Variants in PTPRD observed in about 807,000 individuals in gnomAD.
PTPRD encodes the protein protein tyrosine phosphatase receptor type D, also known as receptor-type tyrosine-protein phosphatase delta.
In PTPRD, 34 loss-of-function variants were observed where a neutral mutation model predicts 214.5. That is an observed-to-expected ratio of 0.16 (90% CI 0.12 to 0.21). The LOEUF (loss-of-function observed/expected upper bound fraction) is 0.21. Among genes scored for constraint, PTPRD ranks in the 10% least tolerant of loss-of-function variants. PTPRD has a pLI of 1.00. For synonymous variants in PTPRD, 1,128 were observed against 845.7 expected (o/e 1.33, Z -5.79); for missense variants, 2,545 against 2,398.7 (o/e 1.06, Z -1.27).
At chr9:9,334,716 G>A (rs766711837) in intron 9 of PTPRD, among the ~76,000 whole-genome samples, 11 of 151,866 alleles carry the variant, frequency 7.2e-5, no homozygotes, top group Admixed American at 1.3e-4. Flanking sequence ...CTGGTACACA[G>A]AAAGCATTTA....
intron 14 of PTPRD, among the ~76,000 whole-genome samples, chr9:8,576,566 A>G (rs2092385393): frequency 1.3e-5 from 2 of 150,932 alleles, no homozygotes; most frequent in South Asian, 2.1e-4. Flanking sequence ...GTGTGCATAT[A>G]TACACCCACA....
intron 14 of PTPRD, among the ~76,000 whole-genome samples, chr9:8,575,313 CA>C (rs1266443942): frequency 6.6e-6 from 1 of 152,096 alleles, no homozygotes; most frequent in Non-Finnish European, 1.5e-5. Context: ...CCAGTACCAA[CA>C]CACTCAAGTA....
At chr9:9,329,237 GCAAAACAAAA>G (rs998824423) in intron 9 of PTPRD, among the ~76,000 whole-genome samples, 2 of 151,674 alleles carry the variant, frequency 1.3e-5, no homozygotes, top group African/African-American at 4.9e-5. Flanking sequence ...GTAAGTTCAT[GCAAAACAAAA>G]CAAAACAAAA....
At chr9:8,365,328 T>C (rs1164398534) in intron 39 of PTPRD, among the ~76,000 whole-genome samples, 2 of 152,140 alleles carry the variant, frequency 1.3e-5, no homozygotes, top group African/African-American at 4.8e-5. Flanking sequence ...TGAGTTAGGA[T>C]GTAAGGAGAG....
At chr9:8,437,933 T>C (rs904144239) in intron 34 of PTPRD, among the ~76,000 whole-genome samples, 1 of 152,226 alleles carries the variant, frequency 6.6e-6, no homozygotes, top group Non-Finnish European at 1.5e-5. Context: ...TTCTTTCCTA[T>C]TAATTTTACA....
chr9:8,867,393 A>C (rs2098217834), intron 11 of PTPRD, among the ~76,000 whole-genome samples: 1 of 152,178 alleles, frequency 6.6e-6, no homozygotes, highest in Non-Finnish European at 1.5e-5. Context: ...GTCTAGAAGC[A>C]GACTGTTCTG....
At chr9:10,094,642 T>G (rs1438444312) in intron 3 of PTPRD, among the ~76,000 whole-genome samples, 1 of 150,012 alleles carries the variant, frequency 6.7e-6, no homozygotes, top group South Asian at 2.1e-4. Flanking sequence ...TATGGAGACA[T>G]AGCATATCTA....
rs981180826 is a variant in PTPRD at position 10,451,247 on chromosome 9, C to T, written c.-599-110230G>A. 4.0e-5 allele frequency among the ~76,000 whole-genome samples: 6 copies of T among 151,726 alleles called. No homozygotes were observed. The South Asian group carries it at 1.0e-3, about 26-fold the overall frequency. ...AAACACTGTTTCAGGTGTGCTGGGG[C>T]CAAGCAGAGAAATAAATTATTGTTA... is the stretch of plus-strand genomic sequence containing the variant. On this transcript the variant is annotated intron_variant, in intron 2 of 45. Coordinates refer to ENST00000381196, the MANE Select transcript of PTPRD (RefSeq NM_002839.4).
chr9:9,681,251 G>C lies in PTPRD; in HGVS notation c.-287+53282C>G, dbSNP rs559620988. 2.3e-4 allele frequency among the ~76,000 whole-genome samples: 35 copies of C among 151,720 alleles called. 1 individual carries two copies. In the Middle Eastern group the frequency reaches 0.014, roughly 59 times the overall value. ...TGTTCTTCCTGAAGTGTAAGTGTAGGGTGCGGAGCCCTGTTTCCTTGGTGG... is the reference window on the plus strand; with the variant it reads ...TGTTCTTCCTGAAGTGTAAGTGTAGCGTGCGGAGCCCTGTTTCCTTGGTGG... On this transcript the variant is annotated intron_variant, in intron 7 of 45. Transcript: ENST00000381196.
chr9:8,367,897 GA>G (rs1394673123), intron 39 of PTPRD, among the ~76,000 whole-genome samples: 11 of 152,178 alleles, frequency 7.2e-5, no homozygotes, highest in Admixed American at 2.6e-4. Flanking sequence ...TACTATGAAA[GA>G]AATACCACTA....
chr9:10,175,610 C>T (rs1285078018), intron 3 of PTPRD, among the ~76,000 whole-genome samples: 1 of 151,916 alleles, frequency 6.6e-6, no homozygotes, highest in Non-Finnish European at 1.5e-5. Flanking sequence ...ATCATAGGTT[C>T]ATTAGCAAAC....
At position 9,998,114 on chromosome 9, in the gene PTPRD, AT is replaced by A. The variant is rs1358668221; in HGVS notation, c.-472+35603del. Among the ~76,000 whole-genome samples, 13 of 65,866 alleles carry A rather than the reference AT, an allele frequency of 2.0e-4. 1 individual carries two copies. The highest frequency in any genetic ancestry group is 1.3e-3 in the Admixed American group (8 of 6,148). 43.2% of individuals were successfully genotyped at this position (65,866 alleles called of 152,430 possible). On this transcript the variant is annotated intron_variant, in intron 4 of 45. Coordinates refer to ENST00000381196, the MANE Select transcript of PTPRD (RefSeq NM_002839.4). ...CATGTACCCTAGAACTTAAAGTATA[AT>A]AAAAAAAAAAAAAAATATATATATA...
chr9:8,360,130 G>A (rs1029053987), intron 39 of PTPRD, among the ~76,000 whole-genome samples: 1 of 152,144 alleles, frequency 6.6e-6, no homozygotes, highest in Admixed American at 6.5e-5. Flanking sequence ...TAAATGAGTT[G>A]TTTCTGTAAA....
chr9:8,948,893 T>C (rs750453080), intron 11 of PTPRD, among the ~76,000 whole-genome samples: 3 of 151,842 alleles, frequency 2.0e-5, no homozygotes, highest in South Asian at 2.1e-4. Context: ...TGTTCCCAGT[T>C]ATTTTTTTCT....
intron 10 of PTPRD, among the ~76,000 whole-genome samples, chr9:9,099,822 G>A (rs1462741216): frequency 6.6e-6 from 1 of 152,072 alleles, no homozygotes; most frequent in Non-Finnish European, 1.5e-5. Flanking sequence ...GACATCTACA[G>A]CTGAGATCAA....
intron 11 of PTPRD, among the ~76,000 whole-genome samples, chr9:8,760,654 T>G (rs899661101): frequency 6.6e-6 from 1 of 151,748 alleles, no homozygotes; most frequent in Non-Finnish European, 1.5e-5. Flanking sequence ...ATGCATGTTT[T>G]ATGGAGGTGC....
intron 2 of PTPRD, among the ~76,000 whole-genome samples, chr9:10,530,226 C>T (rs2055790248): frequency 6.6e-6 from 1 of 151,810 alleles, no homozygotes; most frequent in Non-Finnish European, 1.5e-5. Flanking sequence ...TAGACTCAAA[C>T]TTAATCTATA....
At chr9:9,761,293 G>A (rs951392659) in intron 6 of PTPRD, among the ~76,000 whole-genome samples, 3 of 152,090 alleles carry the variant, frequency 2.0e-5, no homozygotes, top group Non-Finnish European at 4.4e-5. Flanking sequence ...ATCCCAAAAG[G>A]TATGATTCCA....
In PTPRD at chr9:8,903,776, C is replaced by T. The variant is rs73640966; in HGVS notation, c.-104+114921G>A. On this transcript the variant is annotated intron_variant, in intron 11 of 45. Transcript: ENST00000381196. ...TAAAAAATTATGGGAAATTTGATTA[C>T]TATTTAAAAGACTACTCTGTAAAGC... 4.2e-4 allele frequency among the ~76,000 whole-genome samples: 63 copies of T among 148,400 alleles called. 5 individuals carry two copies. The highest frequency in any genetic ancestry group is 1.7e-3 in the African/African-American group (63 of 38,038).
Sources: allele counts gnomAD v4.1 joint callset (sites outside exome capture counted in the v4.1 genomes callset), GRCh38; gene constraint gnomAD v4.1.1; transcripts MANE v1.5; gene names NCBI Gene and HGNC (gene_info 2026-07-23, HGNC 2026-07-21).